Variants in VCF1 observed in about 807,000 individuals in gnomAD.
VCF1 encodes protein VCF1.
chr17:73,212,945 A>G, the VCF1 span, among the ~76,000 whole-genome samples: 1 of 151,798 alleles, frequency 6.6e-6, no homozygotes. Flanking sequence ...TGCAATTTCC[A>G]GTTCATTTAA....
the VCF1 span, among the ~76,000 whole-genome samples, chr17:73,218,298 T>C: frequency 6.6e-6 from 1 of 152,208 alleles, no homozygotes. Context: ...CCAAATGAAC[T>C]CAGTGGGTTA....
chr17:73,229,714 A>C, the VCF1 span: 1 of 325,728 alleles, frequency 3.1e-6, no homozygotes, highest in Non-Finnish European at 4.4e-6. Context: ...AAAAATACAA[A>C]AGAGTTAGCA....
chr17:73,213,938 C>G, the VCF1 span, among the ~76,000 whole-genome samples: 1 of 152,012 alleles, frequency 6.6e-6, no homozygotes, highest in African/African-American at 2.4e-5. Flanking sequence ...CCACTGCACT[C>G]CAGCCTGGGT....
chr17:73,224,512 T>C, the VCF1 span, among the ~76,000 whole-genome samples: 1 of 152,124 alleles, frequency 6.6e-6, no homozygotes. Flanking sequence ...TGGCCCTACC[T>C]CAGAATTAAA....
the VCF1 span, chr17:73,207,730 ATCC>A: frequency 1.2e-5 from 15 of 1,291,628 alleles, no homozygotes; most frequent in South Asian, 2.5e-5. Flanking sequence ...GCCTGCAGGA[ATCC>A]TCCTGGGTAT....
chr17:73,209,602 T>C, the VCF1 span: 1 of 1,580,566 alleles, frequency 6.3e-7, no homozygotes, highest in Non-Finnish European at 8.6e-7. Context: ...GATGTGGAAG[T>C]AGAGGCCTTG....
the VCF1 span, among the ~76,000 whole-genome samples, chr17:73,228,685 A>G: frequency 6.6e-6 from 1 of 151,148 alleles, no homozygotes; most frequent in Non-Finnish European, 1.5e-5. Context: ...GTTGGAGGTT[A>G]AAAAAAAATA....
the VCF1 span, chr17:73,229,433 A>C: frequency 1.0e-6 from 1 of 985,340 alleles, no homozygotes; most frequent in Non-Finnish European, 1.2e-6. Context: ...ATAACTGATT[A>C]TATTCTTCCC....
the VCF1 span, among the ~76,000 whole-genome samples, chr17:73,231,223 A>C: frequency 1.3e-5 from 2 of 152,332 alleles, no homozygotes; most frequent in Admixed American, 1.3e-4. Context: ...CACATGAAAT[A>C]ATTATTTCAG....
At chr17:73,208,929 G>A in the VCF1 span, 420 of 279,136 alleles carry the variant, frequency 1.5e-3, no homozygotes, top group Non-Finnish European at 2.5e-3. Flanking sequence ...AAAGAGTAGA[G>A]ACTATTATTA....
the VCF1 span, chr17:73,207,965 C>T: frequency 1.6e-6 from 2 of 1,236,838 alleles, no homozygotes; most frequent in Non-Finnish European, 2.0e-6. Context: ...CAAAAACCAT[C>T]CAGTCCCTAA....
At chr17:73,229,339 C>CTCA in the VCF1 span, 1 of 985,450 alleles carries the variant, frequency 1.0e-6, no homozygotes, top group Non-Finnish European at 1.2e-6. Context: ...CAGCTTCATG[C>CTCA]TCATCCCTAT....
chr17:73,222,792 G>GA, the VCF1 span, among the ~76,000 whole-genome samples: 1 of 145,972 alleles, frequency 6.9e-6, no homozygotes, highest in South Asian at 2.2e-4. Flanking sequence ...AAAAAAAAAA[G>GA]AAAAAAAAAG....
chr17:73,219,485 T>C, the VCF1 span, among the ~76,000 whole-genome samples: 107 of 150,040 alleles, frequency 7.1e-4, no homozygotes, highest in Non-Finnish European at 1.3e-4. Flanking sequence ...CCGTCTCTAC[T>C]AAAAATACAA....
At chr17:73,212,226 T>C in the VCF1 span, among the ~76,000 whole-genome samples, 2 of 152,332 alleles carry the variant, frequency 1.3e-5, no homozygotes, top group Non-Finnish European at 2.9e-5. Flanking sequence ...AAAATCCTAG[T>C]TCTATCCCTT....
chr17:73,211,397 C>T, the VCF1 span, among the ~76,000 whole-genome samples: 2 of 152,030 alleles, frequency 1.3e-5, no homozygotes, highest in Non-Finnish European at 2.9e-5. Flanking sequence ...AGTGAAACCC[C>T]GTATCAATTA....
chr17:73,232,361 C>T, the VCF1 span: 192 of 1,477,664 alleles, frequency 1.3e-4, 2 homozygotes, highest in African/African-American at 2.4e-3. Flanking sequence ...ACCATCCCAA[C>T]CGCACCGACT....
At chr17:73,230,405 CT>C in the VCF1 span, among the ~76,000 whole-genome samples, 76,074 of 148,012 alleles carry the variant, frequency 0.51, 19,286 homozygotes, top group East Asian at 0.58. Context: ...CCTGAAAACC[CT>C]TTTTTTTTTT....
At chr17:73,226,814 AAT>A in the VCF1 span, among the ~76,000 whole-genome samples, 3 of 152,244 alleles carry the variant, frequency 2.0e-5, no homozygotes, top group African/African-American at 4.8e-5. Context: ...GAAGCAACAA[AAT>A]ATGTTTATCT....
Sources: allele counts gnomAD v4.1 joint callset (sites outside exome capture counted in the v4.1 genomes callset), GRCh38; gene constraint gnomAD v4.1.1; transcripts MANE v1.5; gene names NCBI Gene and HGNC (gene_info 2026-07-23, HGNC 2026-07-21).